Variants in PDLIM5 observed in about 807,000 individuals in gnomAD.
The protein encoded by PDLIM5 is PDZ and LIM domain 5.
Under a neutral mutation model 64.2 loss-of-function variants are expected in PDLIM5, and 34 were observed. The observed-to-expected ratio is 0.53, with a 90% CI of 0.40 to 0.71. The LOEUF is 0.71. Among genes scored for constraint, PDLIM5 ranks in the 30% least tolerant of loss-of-function variants. The pLI is 0.00. For missense variants in PDLIM5, 683 were observed against 733.6 expected (o/e 0.93, Z 0.80); for synonymous variants, 253 against 269.1 (o/e 0.94, Z 0.59).
intron 8 of PDLIM5, among the ~76,000 whole-genome samples, chr4:94,638,700 C>T (rs1740767432): frequency 6.6e-6 from 1 of 152,152 alleles, no homozygotes; most frequent in Admixed American, 6.5e-5. Context: ...TCCTTTTGGA[C>T]TATTTTCACA....
intron 2 of PDLIM5, among the ~76,000 whole-genome samples, chr4:94,462,453 T>C (rs1269570691): frequency 6.6e-6 from 1 of 152,208 alleles, no homozygotes; most frequent in Non-Finnish European, 1.5e-5. Flanking sequence ...ACACTGTGTT[T>C]GGATTTGTCA....
Position 94,656,657 on chromosome 4 carries a change from C to T in PDLIM5, c.1465-770C>T, listed in dbSNP as rs865895869. On this transcript the variant is annotated intron_variant, in intron 10 of 12. Transcript: ENST00000317968. The stretch of plus-strand genomic sequence containing the variant: ...TATTTATTTATTTATTTTTTTGAGA[C>T]GGAGTCTTGCTGTGTCACCCAGGCT... 5.5e-4 allele frequency among the ~76,000 whole-genome samples: 83 copies of T among 150,004 alleles called. No individual in the cohort carries two copies. The Middle Eastern group carries it at 0.011, about 19-fold the overall frequency.
At chr4:94,511,598 AAC>A (rs58356643) in intron 2 of PDLIM5, among the ~76,000 whole-genome samples, 84,236 of 149,342 alleles carry the variant, frequency 0.56, 23,712 homozygotes, top group South Asian at 0.76. Context: ...CATCCCCCCC[AAC>A]ACACACACAC....
intron 11 of PDLIM5, among the ~76,000 whole-genome samples, chr4:94,659,940 AG>A (rs1427912296): frequency 6.8e-6 from 1 of 146,800 alleles, no homozygotes; most frequent in Non-Finnish European, 1.5e-5. Flanking sequence ...TCTGTCACCC[AG>A]GCTGCAGTGC....
chr4:94,639,958 C>T (rs866496746), intron 8 of PDLIM5, among the ~76,000 whole-genome samples: 5 of 151,392 alleles, frequency 3.3e-5, no homozygotes, highest in Admixed American at 2.0e-4. Flanking sequence ...ACCCAGGAGG[C>T]GGAGGATGCA....
intron 2 of PDLIM5, among the ~76,000 whole-genome samples, chr4:94,517,500 CTTGT>C (rs1729468063): frequency 2.0e-5 from 3 of 152,132 alleles, no homozygotes; most frequent in South Asian, 4.1e-4. Flanking sequence ...TCAAGAAAGT[CTTGT>C]TTGTCAGACT....
chr4:94,535,369 A>G (rs1225717894), intron 3 of PDLIM5, among the ~76,000 whole-genome samples: 1 of 152,112 alleles, frequency 6.6e-6, no homozygotes, highest in Non-Finnish European at 1.5e-5. Context: ...TGCTCCTGTC[A>G]TGTTACTGAA....
chr4:94,617,422 GT>G (rs1322260688), intron 7 of PDLIM5, among the ~76,000 whole-genome samples: 3 of 152,038 alleles, frequency 2.0e-5, no homozygotes, highest in African/African-American at 7.2e-5. Flanking sequence ...GTTGTTTCTT[GT>G]TTATTGTTTT....
chr4:94,593,385 A>G (rs1158724962), intron 7 of PDLIM5, among the ~76,000 whole-genome samples: 4 of 152,170 alleles, frequency 2.6e-5, no homozygotes, highest in Admixed American at 6.5e-5. Flanking sequence ...GAAACTTATT[A>G]TCTCATAGTT....
chr4:94,523,949 G>GAAAC, intron 3 of PDLIM5, 74 bp downstream of exon 3: 4 of 1,065,410 alleles, frequency 3.8e-6, no homozygotes, highest in Non-Finnish European at 5.6e-6. Context: ...CTGACTCACG[G>GAAAC]TGTTAACTAA....
chr4:94,543,249 C>G (rs1025008875), intron 3 of PDLIM5, among the ~76,000 whole-genome samples: 3 of 152,158 alleles, frequency 2.0e-5, no homozygotes, highest in Admixed American at 1.3e-4. Flanking sequence ...GAGAATCCTT[C>G]TTTGCTTCCT....
intron 3 of PDLIM5, among the ~76,000 whole-genome samples, chr4:94,537,477 T>C (rs1385280442): frequency 1.3e-5 from 2 of 152,160 alleles, no homozygotes; most frequent in African/African-American, 4.8e-5. Context: ...TTGAAGAGGA[T>C]TTAAATAAAT....
At chr4:94,662,394 T>G (rs751297894) in intron 11 of PDLIM5, 28 bp from the exon 12 acceptor site, 1 of 1,026,286 alleles carries the variant, frequency 9.7e-7, no homozygotes, top group South Asian at 1.3e-5. Flanking sequence ...ATGTTTAAAT[T>G]ATGTCTCTCT....
chr4:94,522,203 C>T (rs542386196), intron 2 of PDLIM5, among the ~76,000 whole-genome samples: 2 of 152,242 alleles, frequency 1.3e-5, no homozygotes, highest in Non-Finnish European at 2.9e-5. Flanking sequence ...TATGTGTAAT[C>T]GTGATAACCT....
intron 3 of PDLIM5, among the ~76,000 whole-genome samples, chr4:94,545,256 T>G (rs189797859): frequency 2.0e-5 from 3 of 152,362 alleles, no homozygotes; most frequent in Admixed American, 1.3e-4. Flanking sequence ...TGAAACCATT[T>G]TTTACATCAC....
chr4:94,513,232 G>A (rs1349115588), intron 2 of PDLIM5, among the ~76,000 whole-genome samples: 2 of 152,040 alleles, frequency 1.3e-5, no homozygotes, highest in South Asian at 2.1e-4. Flanking sequence ...ATGTTTCCAC[G>A]TAAATTTTAG....
At chr4:94,480,610 T>C (rs1263743328) in intron 2 of PDLIM5, among the ~76,000 whole-genome samples, 1 of 152,120 alleles carries the variant, frequency 6.6e-6, no homozygotes, top group Admixed American at 6.6e-5. Context: ...CAGGGGCTGA[T>C]TGACCAGGGG....
intron 2 of PDLIM5, among the ~76,000 whole-genome samples, chr4:94,519,372 A>T (rs955183391): frequency 6.6e-6 from 1 of 152,184 alleles, no homozygotes; most frequent in African/African-American, 2.4e-5. Flanking sequence ...TAACCTGCCC[A>T]GCAGCTCTGT....
chr4:94,607,923 G>A, intron 7 of PDLIM5: 3 of 481,252 alleles, frequency 6.2e-6, no homozygotes, highest in Non-Finnish European at 1.1e-5. Flanking sequence ...ATTTGTAGAT[G>A]TGAAGTAAAA....
Sources: allele counts gnomAD v4.1 joint callset (sites outside exome capture counted in the v4.1 genomes callset), GRCh38; gene constraint gnomAD v4.1.1; transcripts MANE v1.5; gene names NCBI Gene and HGNC (gene_info 2026-07-23, HGNC 2026-07-21).